The following SYCP2 variants were observed in gnomAD, a reference collection of about 807,000 sequenced individuals.
SYCP2 encodes the protein synaptonemal complex lateral element protein.
A neutral mutation model predicts 211.3 loss-of-function variants in SYCP2; 55 were observed. That is an observed-to-expected ratio of 0.26 (90% CI 0.21 to 0.33). SYCP2 has a LOEUF of 0.33. Among genes scored for constraint, SYCP2 ranks in the 10% least tolerant of loss-of-function variants. The pLI is 1.00. For synonymous variants in SYCP2, 570 were observed against 555.2 expected, an observed-to-expected ratio of 1.03 and a Z score of -0.37; for missense variants, 1,731 against 1,752.0, an observed-to-expected ratio of 0.99 and a Z score of 0.21.
At position 59,873,872 on chromosome 20, in the gene SYCP2, G is replaced by A. The variant is rs2059502849; in HGVS notation, c.3539C>T (p.Pro1180Leu). 2.5e-6 allele frequency: 4 copies of A among 1,610,142 alleles called. No individual in the cohort carries two copies. Among genetic ancestry groups the A allele is most frequent in the African/African-American group, 1.3e-5 (1 of 74,554 alleles). The part of the protein sequence containing the change: ...LCASESCSPI[P>L]RPLFLPRHTP... ...CATTCTCACCAAAAACAGTGGTCGT[G>A]GAATTGGTGAACAACTTTCACTTGC... Residue 1180 changes from proline to leucine, a missense_variant, in exon 35 of 45, where the codon CCA (proline) becomes CTA (leucine). Transcript: ENST00000357552.
At chr20:59,883,157 T>C (rs2059717731) in intron 26 of SYCP2, among the ~76,000 whole-genome samples, 1 of 152,154 alleles carries the variant, frequency 6.6e-6, no homozygotes, top group Admixed American at 6.6e-5. Context: ...AAGACCAGCC[T>C]GACCAATATG....
rs1476039942 is a variant in SYCP2 at position 59,895,564 on chromosome 20, G to A, written c.1538C>T (p.Pro513Leu). 5.6e-6 allele frequency: 9 copies of A among 1,613,244 alleles called. No homozygotes were observed. The highest frequency in any genetic ancestry group is 7.6e-6 in the Non-Finnish European group (9 of 1,179,502). The change falls in exon 20 of 45, where the codon CCA (proline) becomes CTA (leucine). Residue 513 changes from proline (P) to leucine (L), a missense_variant. Pro to Leu is a moderately conservative substitution (Grantham distance 98). This residue lies in a region of SYCP2 where 1,387 missense variants were observed against 1,351.3 expected (regional missense o/e 1.03). Coordinates refer to ENST00000357552, the MANE Select transcript of SYCP2 (RefSeq NM_014258.4). Reference protein sequence around the residue: ...IPPRRRRIKPPLQMTSSAEKP... With the variant: ...IPPRRRRIKPLLQMTSSAEKP... Reference sequence around the variant, plus strand: ...CTCTGCAGAGCTCGTCATTTGCAGTGGTGGTTTAATTCTTCTTCTTCGTGG... The same window carrying A: ...CTCTGCAGAGCTCGTCATTTGCAGTAGTGGTTTAATTCTTCTTCTTCGTGG...
chr20:59,871,952 A>G (rs143773463), intron 35 of SYCP2, among the ~76,000 whole-genome samples: 1 of 151,206 alleles, frequency 6.6e-6, no homozygotes, highest in Admixed American at 6.6e-5. Context: ...TCACAGGAGA[A>G]TTTGTGTGAA....
At position 59,929,941 on chromosome 20, in the gene SYCP2, T is replaced by C. The variant is rs573384176; in HGVS notation, c.-47+2121A>G. 2.0e-5 allele frequency among the ~76,000 whole-genome samples: 3 copies of C among 152,286 alleles called. No homozygotes were observed. In the South Asian group the frequency reaches 6.2e-4, roughly 32 times the overall value. On this transcript the variant is annotated intron_variant, in intron 2 of 44. Coordinates refer to ENST00000357552, the MANE Select transcript of SYCP2 (RefSeq NM_014258.4). ...ATTAAATTAACTTAATTCTGTTTCCTAAGGTTCAACATACACTCATATATA... is the reference window on the plus strand; with the variant it reads ...ATTAAATTAACTTAATTCTGTTTCCCAAGGTTCAACATACACTCATATATA...
chr20:59,865,352 G>C, intron 44 of SYCP2, 36 bp downstream of exon 44: 2 of 1,529,634 alleles, frequency 1.3e-6, no homozygotes, highest in Non-Finnish European at 1.8e-6. Flanking sequence ...AGACATTAAA[G>C]TATGATTATC....
chr20:59,874,068 T>C lies in SYCP2; in HGVS notation c.3350-7A>G, dbSNP rs1180228342. 6.7e-6 allele frequency: 10 copies of C among 1,495,814 alleles called. No homozygotes were observed. Among genetic ancestry groups the C allele is most frequent in the Non-Finnish European group, 8.1e-6 (9 of 1,107,830 alleles). The allele number at this position is 1,495,814 out of a possible 1,614,324, so 92.7% of individuals were successfully genotyped here. On this transcript the variant is annotated splice_region_variant and splice_polypyrimidine_tract_variant and intron_variant, in intron 34 of 44. Coordinates refer to ENST00000357552, the MANE Select transcript of SYCP2 (RefSeq NM_014258.4). ...TCTGTTATTTTCTCTATACCTATATTGCATCAAAATAAAAAAGAAAATAGA... is the reference window on the plus strand; with the variant it reads ...TCTGTTATTTTCTCTATACCTATATCGCATCAAAATAAAAAAGAAAATAGA...
chr20:59,895,700 G>T, intron 19 of SYCP2, 103 bp from the exon 20 acceptor site: 1 of 1,322,486 alleles, frequency 7.6e-7, no homozygotes, highest in Non-Finnish European at 1.1e-6. Context: ...TTCTTAGATG[G>T]TTCCCAGGTT....
At chr20:59,876,386 A>AAAAAAAAAAAAAAAAAAAAAAAAAAG (rs2059558271) in intron 33 of SYCP2, among the ~76,000 whole-genome samples, 1 of 108,230 alleles carries the variant, frequency 9.2e-6, no homozygotes, top group African/African-American at 5.1e-5. Flanking sequence ...AAAAAAAAAA[A>AAAAAAAAAAAAAAAAAAAAAAAAAAG]AAAAAAAAAA....
At chr20:59,896,718 A>G (rs925108263) in intron 18 of SYCP2, among the ~76,000 whole-genome samples, 190 bp from the exon 19 acceptor site, 1 of 152,146 alleles carries the variant, frequency 6.6e-6, no homozygotes, top group Non-Finnish European at 1.5e-5. Flanking sequence ...TTGGTATTAA[A>G]TAAGTAGCTA....
intron 2 of SYCP2, among the ~76,000 whole-genome samples, chr20:59,930,193 T>C (rs887747192): frequency 2.6e-5 from 4 of 152,168 alleles, no homozygotes; most frequent in Admixed American, 6.5e-5. Context: ...TGCCTATGCC[T>C]ATGAAAGAAG....
intron 14 of SYCP2, among the ~76,000 whole-genome samples, chr20:59,910,374 A>ATTTTTTTTTTTTTTT (rs898302276): frequency 1.0e-4 from 8 of 76,262 alleles, no homozygotes; most frequent in African/African-American, 4.1e-4. Context: ...GTAATTGCTT[A>ATTTTTTTTTTTTTTT]TTTTTTTTTT....
At chr20:59,922,492 A>C in intron 2 of SYCP2, 33 bp from the exon 3 acceptor site, 19 of 1,096,044 alleles carry the variant, frequency 1.7e-5, no homozygotes, top group Non-Finnish European at 2.2e-5. Flanking sequence ...TCTGTATCTC[A>C]CAATCTGTTT....
intron 14 of SYCP2, among the ~76,000 whole-genome samples, chr20:59,910,371 CTTATTTTTTT>C (rs2060294334): frequency 1.7e-5 from 2 of 119,196 alleles, no homozygotes; most frequent in African/African-American, 8.0e-5. Flanking sequence ...AGTGTAATTG[CTTATTTTTTT>C]TTTTTTTTTT....
chr20:59,877,058 TTC>T (rs1185478174), intron 33 of SYCP2, among the ~76,000 whole-genome samples: 2 of 152,148 alleles, frequency 1.3e-5, no homozygotes, highest in Non-Finnish European at 2.9e-5. Context: ...ATATTTTGCT[TTC>T]ACTCAACAGA....
chr20:59,873,447 G>A (rs2059492166), intron 35 of SYCP2, among the ~76,000 whole-genome samples: 2 of 152,192 alleles, frequency 1.3e-5, no homozygotes, highest in Admixed American at 1.3e-4. Flanking sequence ...TCACGTCCCA[G>A]GAGGGACAGA....
intron 15 of SYCP2, among the ~76,000 whole-genome samples, chr20:59,904,008 T>C (rs986683368): frequency 6.6e-6 from 1 of 152,168 alleles, no homozygotes; most frequent in African/African-American, 2.4e-5. Context: ...TAAGGAAATT[T>C]GCTAATTCTG....
At chr20:59,922,748 G>C (rs983140912) in intron 2 of SYCP2, among the ~76,000 whole-genome samples, 1 of 151,374 alleles carries the variant, frequency 6.6e-6, no homozygotes, top group Non-Finnish European at 1.5e-5. Context: ...GAATAACCTG[G>C]ATCTCCCTTT....
At chr20:59,884,619 A>C (rs2059751180) in intron 26 of SYCP2, among the ~76,000 whole-genome samples, 1 of 151,862 alleles carries the variant, frequency 6.6e-6, no homozygotes, top group Non-Finnish European at 1.5e-5. Context: ...TCAATATATT[A>C]CTCCTCTGAT....
At chr20:59,889,329 G>C (rs2059858622) in intron 24 of SYCP2, among the ~76,000 whole-genome samples, 1 of 151,764 alleles carries the variant, frequency 6.6e-6, no homozygotes, top group South Asian at 2.1e-4. Context: ...TGGGTAAATG[G>C]GTATACGAGG....
Sources: allele counts gnomAD v4.1 joint callset (sites outside exome capture counted in the v4.1 genomes callset), GRCh38; gene constraint gnomAD v4.1.1; regional missense constraint gnomAD v4.1.1; transcripts MANE v1.5; gene names NCBI Gene and HGNC (gene_info 2026-07-23, HGNC 2026-07-21).